The following RDH12 variants were observed in gnomAD, a reference collection of about 807,000 sequenced individuals.
RDH12 encodes the protein retinol dehydrogenase 12.
A neutral mutation model predicts 34.0 loss-of-function variants in RDH12; 21 were observed. The observed-to-expected ratio is 0.62, with a 90% confidence interval of 0.44 to 0.89. The LOEUF (loss-of-function observed/expected upper bound fraction) is 0.89. RDH12 is among the 40% of genes least tolerant of loss of function. The pLI is 0.00. For synonymous variants in RDH12, 198 were observed against 169.9 expected, an observed-to-expected ratio of 1.17 and a Z score of -1.29; for missense variants, 394 against 398.6, an observed-to-expected ratio of 0.99 and a Z score of 0.10.
At chr14:67,707,333 C>T (rs1015649823) in intron 1 of RDH12, among the ~76,000 whole-genome samples, 1 of 152,196 alleles carries the variant, frequency 6.6e-6, no homozygotes, top group African/African-American at 2.4e-5. Flanking sequence ...ACAATCTTTT[C>T]TCTCTCCAGT....
At chr14:67,710,883 T>G (rs1279640563) in intron 1 of RDH12, among the ~76,000 whole-genome samples, 1 of 152,194 alleles carries the variant, frequency 6.6e-6, no homozygotes, top group Non-Finnish European at 1.5e-5. Flanking sequence ...CCTAATTATT[T>G]TATTTTCATT....
intron 3 of RDH12, 73 bp from the exon 4 acceptor site, chr14:67,724,400 T>G (rs923132321): frequency 1.1e-5 from 12 of 1,043,828 alleles, no homozygotes; most frequent in African/African-American, 3.2e-5. Flanking sequence ...GAGTTTTTTT[T>G]TTTTTTTTTA....
chr14:67,703,139 A>T (rs1457768686), intron 1 of RDH12, among the ~76,000 whole-genome samples: 2 of 152,134 alleles, frequency 1.3e-5, no homozygotes, highest in Non-Finnish European at 2.9e-5. Flanking sequence ...TTCATTTTAG[A>T]ATTTTAGTCA....
intron 1 of RDH12, among the ~76,000 whole-genome samples, chr14:67,704,642 G>A (rs914691070): frequency 2.0e-5 from 3 of 152,178 alleles, no homozygotes; most frequent in Non-Finnish European, 4.4e-5. Context: ...AAGTTATGGA[G>A]TAGAGTAAGA....
chr14:67,729,086 T>A, intron 7 of RDH12, 105 bp from the exon 8 acceptor site: 10 of 1,181,832 alleles, frequency 8.5e-6, no homozygotes, highest in Non-Finnish European at 1.1e-5. Context: ...TGGGGTTATG[T>A]TTCCTGAGTC....
chr14:67,704,712 G>A (rs1199319329), intron 1 of RDH12, among the ~76,000 whole-genome samples: 1 of 152,142 alleles, frequency 6.6e-6, no homozygotes, highest in East Asian at 1.9e-4. Flanking sequence ...CAAATCACCA[G>A]GGAAACAATT....
At chr14:67,728,544 T>C (rs2038219811) in intron 7 of RDH12, among the ~76,000 whole-genome samples, 2 of 152,242 alleles carry the variant, frequency 1.3e-5, no homozygotes, top group Admixed American at 1.3e-4. Context: ...TTAAACTTTC[T>C]GTGACTTAGT....
intron 1 of RDH12, among the ~76,000 whole-genome samples, chr14:67,717,096 G>A (rs765032120): frequency 6.6e-6 from 1 of 151,866 alleles, no homozygotes; most frequent in African/African-American, 2.4e-5. Context: ...ACTTCAGCAT[G>A]TATATATATC....
At chr14:67,718,543 C>T (rs959877025) in intron 1 of RDH12, among the ~76,000 whole-genome samples, 1 of 152,148 alleles carries the variant, frequency 6.6e-6, no homozygotes, top group South Asian at 2.1e-4. Context: ...ATGGCTGATC[C>T]GGGAACCTGA....
At chr14:67,727,220 A>G (rs1385673830) in intron 7 of RDH12, 30 bp downstream of exon 7, 2 of 1,582,388 alleles carry the variant, frequency 1.3e-6, no homozygotes, top group Non-Finnish European at 1.7e-6. Flanking sequence ...AATAGCAAAA[A>G]TGGTCCTCAG....
intron 3 of RDH12, 56 bp from the exon 4 acceptor site, chr14:67,724,417 C>G (rs1186521243): frequency 9.0e-5 from 75 of 828,922 alleles, no homozygotes; most frequent in East Asian, 2.3e-4. Flanking sequence ...TTTAACGTAT[C>G]TTAGTGTGAG....
chr14:67,725,665 C>A (rs2038176583), intron 5 of RDH12, among the ~76,000 whole-genome samples: 1 of 152,206 alleles, frequency 6.6e-6, no homozygotes, highest in Non-Finnish European at 1.5e-5. Context: ...TGAGGGACAT[C>A]CTGGGACCAT....
intron 8 of RDH12, among the ~76,000 whole-genome samples, chr14:67,732,693 C>T (rs1263186398): frequency 6.6e-6 from 1 of 152,146 alleles, no homozygotes; most frequent in Non-Finnish European, 1.5e-5. Flanking sequence ...TCTCCTGCAT[C>T]AGCCTCCCAA....
chr14:67,712,278 C>T (rs761822649), intron 1 of RDH12, among the ~76,000 whole-genome samples: 2 of 151,896 alleles, frequency 1.3e-5, no homozygotes, highest in Non-Finnish European at 2.9e-5. Context: ...ACACTGAATC[C>T]TGGGTCTCCA....
chr14:67,719,266 T>C (rs1000415132), intron 1 of RDH12, among the ~76,000 whole-genome samples: 1 of 152,224 alleles, frequency 6.6e-6, no homozygotes, highest in East Asian at 1.9e-4. Context: ...TCCCTTTCAA[T>C]GTCAGTATTA....
At chr14:67,725,294 G>A (rs376123067) in intron 5 of RDH12, 40 bp downstream of exon 5, 73 of 1,606,594 alleles carry the variant, frequency 4.5e-5, no homozygotes, top group Non-Finnish European at 5.5e-5. Context: ...AGGAAATTGG[G>A]TATGGGAGTG....
At chr14:67,709,704 C>T (rs1216335923) in intron 1 of RDH12, among the ~76,000 whole-genome samples, 1 of 152,158 alleles carries the variant, frequency 6.6e-6, no homozygotes, top group Non-Finnish European at 1.5e-5. Context: ...CATCTTCTAC[C>T]AGGCCTGAAG....
At position 67,711,936 on chromosome 14, in the gene RDH12, T is replaced by G. The variant is rs370760063; in HGVS notation, c.-274-8912T>G. 3.0e-4 allele frequency among the ~76,000 whole-genome samples: 46 copies of G among 152,310 alleles called. 1 individual carries two copies. Among genetic ancestry groups the G allele is most frequent in the African/African-American group, 1.1e-3 (45 of 41,566 alleles). ...GATAGGGACTACCTATCTTTTTTTT[T>G]GAGACGGAGTTTTGCTCTTGTTGCC... On this transcript the variant is annotated intron_variant, in intron 1 of 8. Coordinates refer to ENST00000551171, the MANE Select transcript of RDH12 (RefSeq NM_152443.3).
intron 1 of RDH12, among the ~76,000 whole-genome samples, chr14:67,708,739 T>C (rs947839706): frequency 5.9e-5 from 9 of 151,764 alleles, no homozygotes; most frequent in African/African-American, 2.2e-4. Context: ...ATAATTTTTA[T>C]ACCAAATAAG....
Sources: gnomAD v4.1 joint callset for allele counts (sites outside exome capture counted in the v4.1 genomes callset) on GRCh38, gnomAD v4.1.1 for gene constraint, MANE v1.5 for transcripts, NCBI Gene and HGNC (gene_info 2026-07-23, HGNC 2026-07-21) for gene names.